PLCXD2: variants seen among roughly 807,000 people sequenced by gnomAD.
The protein encoded by PLCXD2 is phosphatidylinositol specific phospholipase C X domain containing 2, also known as PI-PLC X domain-containing protein 2.
A neutral mutation model predicts 28.6 loss-of-function variants in PLCXD2; 21 were observed. The observed-to-expected ratio is 0.73, with a 90% CI of 0.52 to 1.06. The LOEUF (loss-of-function observed/expected upper bound fraction) is 1.06. PLCXD2 is among the 50% of genes least tolerant of loss of function. PLCXD2 has a pLI of 0.00. For missense variants in PLCXD2, 369 were observed against 376.7 expected (o/e 0.98, Z 0.17); for synonymous variants, 140 against 150.1 (o/e 0.93, Z 0.49).
chr3:111,716,684 C>T (rs1357803521), intron 3 of PLCXD2, among the ~76,000 whole-genome samples: 22 of 152,186 alleles, frequency 1.4e-4, no homozygotes, highest in Non-Finnish European at 4.4e-5. Context: ...CTGACATGCT[C>T]CCTGTTCCAG....
intron 1 of PLCXD2, among the ~76,000 whole-genome samples, chr3:111,681,189 C>T (rs1940709293): frequency 6.6e-6 from 1 of 152,106 alleles, no homozygotes; most frequent in Non-Finnish European, 1.5e-5. Context: ...GGAGGGTTCC[C>T]CAGGATGTGA....
intron 2 of PLCXD2, 132 bp from the exon 3 acceptor site, chr3:111,713,755 T>C: frequency 1.0e-6 from 1 of 975,594 alleles, no homozygotes; most frequent in East Asian, 2.7e-5. Context: ...TATATATTAA[T>C]ATAAACAGTT....
At chr3:111,680,507 G>A (rs1019141361) in intron 1 of PLCXD2, among the ~76,000 whole-genome samples, 9 of 151,806 alleles carry the variant, frequency 5.9e-5, no homozygotes, top group African/African-American at 9.7e-5. Context: ...AATGAGAATC[G>A]TTTATTTTTG....
chr3:111,705,502 T>A (rs1003521813), intron 1 of PLCXD2, among the ~76,000 whole-genome samples: 11 of 152,102 alleles, frequency 7.2e-5, no homozygotes, highest in African/African-American at 2.7e-4. Flanking sequence ...ATATATAGAT[T>A]TTCTTTCCTT....
At chr3:111,707,142 C>T (rs1008477736) in intron 1 of PLCXD2, among the ~76,000 whole-genome samples, 76 of 152,066 alleles carry the variant, frequency 5.0e-4, no homozygotes, top group Admixed American at 4.4e-3. Context: ...ACAGAATGTG[C>T]GTTTGGACCA....
Position 111,685,246 on chromosome 3 carries a change from T to C in PLCXD2, c.163+9838T>C, listed in dbSNP as rs545047603. On this transcript the variant is annotated intron_variant, in intron 1 of 4. Transcript: ENST00000477665. ...AGCTGATATCCTCATTTTTAGATTATATATTTTAGATTTGAACTAAGATTG... is the reference window on the plus strand; with the variant it reads ...AGCTGATATCCTCATTTTTAGATTACATATTTTAGATTTGAACTAAGATTG... Among the ~76,000 whole-genome samples the C allele has an allele frequency of 3.9e-4, 59 of 152,358 alleles. No homozygotes were observed. The South Asian group carries it at 0.011, about 29-fold the overall frequency.
chr3:111,702,839 T>C (rs183496020), intron 1 of PLCXD2, among the ~76,000 whole-genome samples: 12 of 152,262 alleles, frequency 7.9e-5, no homozygotes, highest in Admixed American at 7.8e-4. Flanking sequence ...CCATGAGTTG[T>C]AGGGGAGTAA....
chr3:111,707,917 T>C lies in PLCXD2; in HGVS notation c.164-9T>C, dbSNP rs1303953286. On this transcript the variant is annotated splice_polypyrimidine_tract_variant and intron_variant, in intron 1 of 4. Transcript: ENST00000477665. ...CATCTGCTTTCCTCACCTGTATTCC[T>C]TTGTACAGGCTCACATGATTCATTC... The C allele has an allele frequency of 1.2e-6, 2 of 1,608,692 alleles. No homozygotes were observed. Among genetic ancestry groups the C allele is most frequent in the East Asian group, 4.5e-5 (2 of 44,812 alleles).
chr3:111,709,703 G>A (rs1441566737), intron 2 of PLCXD2, among the ~76,000 whole-genome samples: 1 of 152,206 alleles, frequency 6.6e-6, no homozygotes, highest in Non-Finnish European at 1.5e-5. Context: ...CCAAAAGCAG[G>A]AGTGTCCCTG....
At chr3:111,689,252 A>C (rs1426961570) in intron 1 of PLCXD2, among the ~76,000 whole-genome samples, 1 of 152,176 alleles carries the variant, frequency 6.6e-6, no homozygotes, top group Non-Finnish European at 1.5e-5. Flanking sequence ...CCAAAATTAG[A>C]GATGAGAAAA....
chr3:111,718,536 GAT>G (rs1941305460), intron 3 of PLCXD2, among the ~76,000 whole-genome samples: 1 of 39,970 alleles, frequency 2.5e-5, no homozygotes, highest in Admixed American at 2.6e-4. Context: ...TAGATAGATT[GAT>G]TGATTTATGA....
At chr3:111,676,578 G>A (rs2107835156) in intron 1 of PLCXD2, among the ~76,000 whole-genome samples, 1 of 152,246 alleles carries the variant, frequency 6.6e-6, no homozygotes, top group South Asian at 2.1e-4. Flanking sequence ...GGAGAGGGCT[G>A]CGAAATTTCT....
intron 3 of PLCXD2, among the ~76,000 whole-genome samples, chr3:111,716,552 AT>A (rs1252232813): frequency 6.6e-6 from 1 of 152,190 alleles, no homozygotes; most frequent in Non-Finnish European, 1.5e-5. Flanking sequence ...GAAACCTGAA[AT>A]TCAGGTTCAT....
At chr3:111,693,750 C>CT (rs1375300773) in intron 1 of PLCXD2, among the ~76,000 whole-genome samples, 4 of 152,140 alleles carry the variant, frequency 2.6e-5, no homozygotes, top group African/African-American at 9.7e-5. Context: ...ATAAAGGGGT[C>CT]TTTTTTAAGA....
At chr3:111,725,886 C>T (rs1941408908) in intron 3 of PLCXD2, 2 of 398,532 alleles carry the variant, frequency 5.0e-6, no homozygotes, top group African/African-American at 4.1e-5. Context: ...GTCTCCTGGC[C>T]ATTCTCCATC....
intron 1 of PLCXD2, among the ~76,000 whole-genome samples, chr3:111,698,397 G>A (rs1940993526): frequency 6.6e-6 from 1 of 152,170 alleles, no homozygotes; most frequent in Admixed American, 6.5e-5. Flanking sequence ...TATCCACTGC[G>A]GGGACACTCC....
rs748024981 is a variant in PLCXD2 at position 111,708,114 on chromosome 3, T to A, written c.352T>A (p.Ser118Thr). Residue 118 changes from serine (S) to threonine (T), a missense_variant, in exon 2 of 5, where the codon TCT becomes ACT. Coordinates refer to ENST00000477665, the MANE Select transcript of PLCXD2 (RefSeq NM_001185106.1). The stretch of plus-strand genomic sequence containing the variant: ...GATCCGCTACTTTGACCTGCGTGTG[T>A]CTTCCAAACCAGGGGATGCCGACCA... The A allele has an allele frequency of 1.9e-6, 3 of 1,614,194 alleles. No individual in the cohort carries two copies. Among genetic ancestry groups the A allele is most frequent in the Non-Finnish European group, 2.5e-6 (3 of 1,180,018 alleles).
chr3:111,722,384 C>CA, intron 3 of PLCXD2: 1 of 152,264 alleles, frequency 6.6e-6, no homozygotes, highest in South Asian at 2.1e-4. Context: ...CTGGCTCCCC[C>CA]AGTCCTCCTG....
At chr3:111,723,313 C>T (rs1207654090) in intron 3 of PLCXD2, 1 of 152,206 alleles carries the variant, frequency 6.6e-6, no homozygotes, top group Non-Finnish European at 1.5e-5. Context: ...ATGCCAGTAA[C>T]ACCCAAGGGC....
Sources: gnomAD v4.1 joint callset for allele counts (sites outside exome capture counted in the v4.1 genomes callset) on GRCh38, gnomAD v4.1.1 for gene constraint, MANE v1.5 for transcripts, NCBI Gene and HGNC (gene_info 2026-07-23, HGNC 2026-07-21) for gene names.